TMEM150A: variants seen among roughly 807,000 people sequenced by gnomAD.
TMEM150A encodes transmembrane protein 150A.
A neutral mutation model predicts 29.8 loss-of-function variants in TMEM150A; 18 were observed. The observed-to-expected ratio is 0.60, with a 90% CI of 0.42 to 0.90. The LOEUF is 0.90. TMEM150A is among the 40% of genes least tolerant of loss of function. The pLI, the probability that TMEM150A is intolerant of heterozygous loss-of-function variation, is 0.00. For synonymous variants in TMEM150A, 127 were observed against 143.6 expected (o/e 0.88, Z 0.83); for missense variants, 251 against 349.7 (o/e 0.72, Z 2.25).
Position 85,599,173 on chromosome 2 carries a change from G to T in TMEM150A, c.719C>A (p.Ala240Glu). ...GAVSSDTLVA[A>E]LQPTPGRACK... is the part of the protein sequence containing the mutation. ...GGCCCGGCCAGGGGTAGGCTGCAGT[G>T]CAGCCACCAGTGTGTCTGAGGAGAC... is the stretch of plus-strand genomic sequence containing the variant. The change falls in exon 8 of 8, where the codon GCA (alanine) becomes GAA (glutamate). Residue 240 changes from alanine to glutamate, a missense_variant. Physicochemically the swap from Ala to Glu is moderately radical, Grantham distance 107 (BLOSUM62 -1). Transcript: ENST00000334462. This position sits in a 1 kb window ranked among gnomAD's most constrained non-coding sequence, Gnocchi z 6.0. The T allele has an allele frequency of 6.2e-7, 1 of 1,613,694 alleles. No homozygotes were observed. Among genetic ancestry groups the T allele is most frequent in the Non-Finnish European group, 8.5e-7 (1 of 1,180,022 alleles).
Position 85,602,608 on chromosome 2 carries a change from TC to T in TMEM150A, c.-119del. On this transcript the variant is annotated splice_region_variant and 5_prime_UTR_variant, in exon 1 of 8. Coordinates refer to ENST00000334462, the MANE Select transcript of TMEM150A (RefSeq NM_001031738.3). This position sits in a 1 kb window ranked among gnomAD's most constrained non-coding sequence, Gnocchi z 5.6. ...GAAGGGAAGGAGCCCAGTACGCACC[TC>T]CCCGGAGCGCCCCGCCGCCGCCGCA... The T allele has an allele frequency of 6.5e-6, 1 of 153,004 alleles. No individual in the cohort carries two copies. Among genetic ancestry groups the T allele is most frequent in the Non-Finnish European group, 1.5e-5 (1 of 68,854 alleles). 9.5% of individuals were successfully genotyped at this position (153,004 alleles called of 1,614,324 possible). A position where few individuals can be genotyped will look rare whatever the true frequency, so the allele number is the denominator to read the frequency against.
rs1358198389 is a variant in TMEM150A at position 85,601,403 on chromosome 2, T to G, written c.113+32A>C. On this transcript the variant is annotated intron_variant, in intron 3 of 7. Coordinates refer to ENST00000334462, the MANE Select transcript of TMEM150A (RefSeq NM_001031738.3). This position sits in a 1 kb window ranked among gnomAD's most constrained non-coding sequence, Gnocchi z 4.0. ...GAGGGGACAGAGATGAAGGAAGCTT[T>G]AGAGCAAGGTTGTCTGCAGAGTCCT... The G allele has an allele frequency of 6.2e-7, 1 of 1,613,434 alleles. No homozygotes were observed. The highest frequency in any genetic ancestry group is 1.3e-5 in the African/African-American group (1 of 74,886).
chr2:85,601,712 TG>T lies in TMEM150A; in HGVS notation c.65+171del. 1 of 907,118 alleles carries T rather than the reference TG, an allele frequency of 1.1e-6. No individual in the cohort carries two copies. The highest frequency in any genetic ancestry group is 1.7e-6 in the Non-Finnish European group (1 of 573,186). The allele number at this position is 907,118 out of a possible 1,614,324, so 56.2% of individuals were successfully genotyped here. On this transcript the variant is annotated intron_variant, in intron 2 of 7. Coordinates refer to ENST00000334462, the MANE Select transcript of TMEM150A (RefSeq NM_001031738.3). The surrounding 1 kb of genome is among the most constrained non-coding windows in gnomAD (Gnocchi z 4.0). Reference sequence around the variant, plus strand: ...AGAAGTATATTTGTCAGGGCCACCCTGCTGGACAGCAGTGGTGCCAGCTTGT... The same window carrying T: ...AGAAGTATATTTGTCAGGGCCACCCTCTGGACAGCAGTGGTGCCAGCTTGT...
Position 85,601,910 on chromosome 2 carries a change from C to CGCTGACAG in TMEM150A, c.31_38dup (p.Phe14CysfsTer17), listed in dbSNP as rs1672991153. 1.2e-6 allele frequency: 2 copies of CGCTGACAG among 1,613,862 alleles called. No homozygotes were observed. The highest frequency in any genetic ancestry group is 1.7e-5 in the Admixed American group (1 of 59,982). On this transcript the variant is annotated frameshift_variant, in exon 2 of 8. Coordinates refer to ENST00000334462, the MANE Select transcript of TMEM150A (RefSeq NM_001031738.3). LOFTEE classifies it high-confidence loss of function. The surrounding 1 kb of genome is among the most constrained non-coding windows in gnomAD (Gnocchi z 4.0). The stretch of plus-strand genomic sequence containing the variant: ...CAGTCCATATGCCAGTGATGGAGAA[C>CGCTGACAG]GCTGACAGGCTGACAGGCAGGAGGA...
chr2:85,599,149 G>A lies in TMEM150A; in HGVS notation c.743C>T (p.Ala248Val), dbSNP rs1214710252. 3 of 1,613,674 alleles carry A rather than the reference G, an allele frequency of 1.9e-6. No homozygotes were observed. Among genetic ancestry groups the A allele is most frequent in the South Asian group, 2.2e-5 (2 of 91,068 alleles). The change falls in exon 8 of 8, where the codon GCC becomes GTC. Residue 248 changes from alanine (A) to valine (V), a missense_variant. Coordinates refer to ENST00000334462, the MANE Select transcript of TMEM150A (RefSeq NM_001031738.3). This position sits in a 1 kb window ranked among gnomAD's most constrained non-coding sequence, Gnocchi z 6.0. ...VAALQPTPGR[A>V]CKSSGSSSTS... ...GCTGCTGCTCCCGGAGGACTTGCAG[G>A]CCCGGCCAGGGGTAGGCTGCAGTGC...
chr2:85,601,123 G>C lies in TMEM150A; in HGVS notation c.114-16C>G. The stretch of plus-strand genomic sequence containing the variant: ...GTTGTAGGACCTGGCAGGCAGGACA[G>C]GGAGTAGACTGGGGGAAGGGACTGC... On this transcript the variant is annotated splice_polypyrimidine_tract_variant and intron_variant, in intron 3 of 7. Coordinates refer to ENST00000334462, the MANE Select transcript of TMEM150A (RefSeq NM_001031738.3). This position sits in a 1 kb window ranked among gnomAD's most constrained non-coding sequence, Gnocchi z 4.0. The C allele has an allele frequency of 1.2e-6, 2 of 1,611,456 alleles. No individual in the cohort carries two copies. The highest frequency in any genetic ancestry group is 1.7e-6 in the Non-Finnish European group (2 of 1,179,072).
In TMEM150A at chr2:85,601,170, C is replaced by T. The variant is rs1218574984; in HGVS notation, c.114-63G>A. ...CTGCCCCCAGGCCCTTGGCCTATAG[C>T]CTCAGGCCTCAAAGAGGACTCTCTC... On this transcript the variant is annotated intron_variant, in intron 3 of 7. Coordinates refer to ENST00000334462, the MANE Select transcript of TMEM150A (RefSeq NM_001031738.3). This position sits in a 1 kb window ranked among gnomAD's most constrained non-coding sequence, Gnocchi z 4.0. 6.5e-7 allele frequency: 1 copy of T among 1,529,400 alleles called. No homozygotes were observed. Among genetic ancestry groups the T allele is most frequent in the East Asian group, 2.3e-5 (1 of 44,124 alleles). 94.7% of individuals were successfully genotyped at this position (1,529,400 alleles called of 1,614,324 possible).
chr2:85,601,393 A>C lies in TMEM150A; in HGVS notation c.113+42T>G. On this transcript the variant is annotated intron_variant, in intron 3 of 7. Coordinates refer to ENST00000334462, the MANE Select transcript of TMEM150A (RefSeq NM_001031738.3). This position sits in a 1 kb window ranked among gnomAD's most constrained non-coding sequence, Gnocchi z 4.0. ...TCAGGCCCAAGAGGGGACAGAGATGAAGGAAGCTTTAGAGCAAGGTTGTCT... is the reference window on the plus strand; with the variant it reads ...TCAGGCCCAAGAGGGGACAGAGATGCAGGAAGCTTTAGAGCAAGGTTGTCT... 6.2e-7 allele frequency: 1 copy of C among 1,612,532 alleles called. No homozygotes were observed. Among genetic ancestry groups the C allele is most frequent in the South Asian group, 1.1e-5 (1 of 91,032 alleles).
In TMEM150A at chr2:85,599,214, G is replaced by A. The variant is rs778862859; in HGVS notation, c.678C>T (p.Ser226=). 1.9e-6 allele frequency: 3 copies of A among 1,613,942 alleles called. No homozygotes were observed. The highest frequency in any genetic ancestry group is 3.3e-5 in the Admixed American group (2 of 60,012). ...CTGAGGAGACTGCCCCAAACTCGTA[G>A]CTGAAGGTGCCATAGAAAATGAGGA... ...IDILIFYGTF[S]YEFGAVSSDT... Residue 226 remains serine (S), a synonymous_variant, in exon 8 of 8, where the codon AGC becomes AGT. Coordinates refer to ENST00000334462, the MANE Select transcript of TMEM150A (RefSeq NM_001031738.3). The surrounding 1 kb of genome is among the most constrained non-coding windows in gnomAD (Gnocchi z 6.0).
At position 85,601,120 on chromosome 2, in the gene TMEM150A, ACAGGGAGTAGACTGG is replaced by A; in HGVS notation, c.114-28_114-14del. ...CTCGTTGTAGGACCTGGCAGGCAGG[ACAGGGAGTAGACTGG>A]GGGAAGGGACTGCCCCCAGGCCCTT... On this transcript the variant is annotated splice_polypyrimidine_tract_variant and intron_variant, in intron 3 of 7. Coordinates refer to ENST00000334462, the MANE Select transcript of TMEM150A (RefSeq NM_001031738.3). The surrounding 1 kb of genome is among the most constrained non-coding windows in gnomAD (Gnocchi z 4.0). 1 of 1,612,022 alleles carries A rather than the reference ACAGGGAGTAGACTGG, an allele frequency of 6.2e-7. No individual in the cohort carries two copies. The highest frequency in any genetic ancestry group is 8.5e-7 in the Non-Finnish European group (1 of 1,179,342).
At position 85,601,808 on chromosome 2, in the gene TMEM150A, G is replaced by C. The variant is rs1343381574; in HGVS notation, c.65+76C>G. 6.5e-7 allele frequency: 1 copy of C among 1,537,758 alleles called. No homozygotes were observed. Among genetic ancestry groups the C allele is most frequent in the East Asian group, 2.3e-5 (1 of 44,258 alleles). ...ACCCAGAGTGACCCTGGGTACCACC[G>C]TGGCTATGACAGGACAAGAGACTTT... On this transcript the variant is annotated intron_variant, in intron 2 of 7. Transcript: ENST00000334462. The surrounding 1 kb of genome is among the most constrained non-coding windows in gnomAD (Gnocchi z 4.0).
In TMEM150A at chr2:85,602,181, T is replaced by C. The variant is rs1455775484; in HGVS notation, c.-116-117A>G. 1.1e-4 allele frequency: 55 copies of C among 501,528 alleles called. 1 individual carries two copies. In the South Asian group the frequency reaches 1.2e-3, roughly 11 times the overall value. 31.1% of individuals were successfully genotyped at this position (501,528 alleles called of 1,614,324 possible). A position where few individuals can be genotyped will look rare whatever the true frequency, so the allele number is the denominator to read the frequency against. ...GTCTCTGAGCGTCCAAAGTTTGGGCTGAGCCCACGGCAGAACGTGAACACC... is the reference window on the plus strand; with the variant it reads ...GTCTCTGAGCGTCCAAAGTTTGGGCCGAGCCCACGGCAGAACGTGAACACC... On this transcript the variant is annotated intron_variant, in intron 1 of 7. Transcript: ENST00000334462. The surrounding 1 kb of genome is among the most constrained non-coding windows in gnomAD (Gnocchi z 5.6).
chr2:85,602,478 C>T lies in TMEM150A; in HGVS notation c.-117+129G>A, dbSNP rs1316075880. The T allele has an allele frequency of 6.6e-6, 1 of 152,016 alleles. No homozygotes were observed. Among genetic ancestry groups the T allele is most frequent in the African/African-American group, 2.4e-5 (1 of 41,414 alleles). The allele number at this position is 152,016 out of a possible 1,614,324, so 9.4% of individuals were successfully genotyped here. On this transcript the variant is annotated intron_variant, in intron 1 of 7. Coordinates refer to ENST00000334462, the MANE Select transcript of TMEM150A (RefSeq NM_001031738.3). The surrounding 1 kb of genome is among the most constrained non-coding windows in gnomAD (Gnocchi z 5.6). ...GGAAAGCCCAGCCCGGCCCGGCCCC[C>T]GCTCGCCTGGGCGCGGGGACCCCGG...
In TMEM150A at chr2:85,599,650, G is replaced by C. The variant is rs762700876; in HGVS notation, c.449C>G (p.Ala150Gly). ...HYVGAGVAFP[A>G]GLLFVCLHCA... is the part of the protein sequence containing the mutation. ...GTGCAGGCAAACAAAGAGCAGCCCC[G>C]CAGGGAAGGCCACGCCAGCTCCAAC... The change falls in exon 7 of 8, where the codon GCG (alanine) becomes GGG (glycine). Residue 150 changes from alanine to glycine, a missense_variant. Physicochemically the swap from Ala to Gly is moderately conservative, Grantham distance 60. Transcript: ENST00000334462. The surrounding 1 kb of genome is among the most constrained non-coding windows in gnomAD (Gnocchi z 6.0). The C allele has an allele frequency of 1.9e-6, 3 of 1,613,654 alleles. No individual in the cohort carries two copies. The highest frequency in any genetic ancestry group is 1.1e-5 in the South Asian group (1 of 91,082).
In TMEM150A at chr2:85,601,869, C is replaced by A. The variant is rs752474631; in HGVS notation, c.65+15G>T. ...TCAAGCTCCTGTTGCCCCCCGGGCA[C>A]CCCCCTTTACTCACACAGTCCATAT... On this transcript the variant is annotated intron_variant, in intron 2 of 7. Coordinates refer to ENST00000334462, the MANE Select transcript of TMEM150A (RefSeq NM_001031738.3). This position sits in a 1 kb window ranked among gnomAD's most constrained non-coding sequence, Gnocchi z 4.0. 6.2e-7 allele frequency: 1 copy of A among 1,612,684 alleles called. No homozygotes were observed. Among genetic ancestry groups the A allele is most frequent in the Admixed American group, 1.7e-5 (1 of 59,934 alleles).
intron 4 of TMEM150A, 50 bp downstream of exon 4, chr2:85,600,971 G>T: frequency 6.4e-7 from 1 of 1,566,064 alleles, no homozygotes; most frequent in Non-Finnish European, 8.7e-7. Flanking sequence ...TTGAGGGGCT[G>T]TCTGGGAGGC....
rs1207053116 is a variant in TMEM150A at position 85,601,810 on chromosome 2, G to A, written c.65+74C>T. The A allele has an allele frequency of 6.5e-7, 1 of 1,544,586 alleles. No homozygotes were observed. Among genetic ancestry groups the A allele is most frequent in the East Asian group, 2.3e-5 (1 of 44,338 alleles). On this transcript the variant is annotated intron_variant, in intron 2 of 7. Transcript: ENST00000334462. This position sits in a 1 kb window ranked among gnomAD's most constrained non-coding sequence, Gnocchi z 4.0. The stretch of plus-strand genomic sequence containing the variant: ...CCAGAGTGACCCTGGGTACCACCGT[G>A]GCTATGACAGGACAAGAGACTTTGT...
At chr2:85,600,287 T>C in intron 5 of TMEM150A, 58 bp downstream of exon 5, 1 of 1,594,042 alleles carries the variant, frequency 6.3e-7, no homozygotes, top group Non-Finnish European at 8.6e-7. Context: ...TCCTGGGCCT[T>C]TCTGTGTGGG....
rs138317297 is a variant in TMEM150A at position 85,602,317 on chromosome 2, C to G, written c.-116-253G>C. On this transcript the variant is annotated intron_variant, in intron 1 of 7. Transcript: ENST00000334462. The surrounding 1 kb of genome is among the most constrained non-coding windows in gnomAD (Gnocchi z 5.6). Reference sequence around the variant, plus strand: ...TTACCCTCCTTCTGAGGGACCAGGGCTGGGAGAAGGGCTGGACAACCGAAG... The same window carrying G: ...TTACCCTCCTTCTGAGGGACCAGGGGTGGGAGAAGGGCTGGACAACCGAAG... 1.1e-3 allele frequency: 205 copies of G among 187,840 alleles called. No homozygotes were observed. The highest frequency in any genetic ancestry group is 4.5e-3 in the African/African-American group (194 of 42,720). 11.6% of individuals were successfully genotyped at this position (187,840 alleles called of 1,614,324 possible).
Sources: allele counts gnomAD v4.1 joint callset, GRCh38; gene constraint gnomAD v4.1.1; non-coding constraint Gnocchi (gnomAD v3.1); transcripts MANE v1.5; gene names NCBI Gene and HGNC (gene_info 2026-07-23, HGNC 2026-07-21).